ST7L: variants seen among roughly 807,000 people sequenced by gnomAD.
ST7L encodes the protein suppression of tumorigenicity 7 like.
A neutral mutation model predicts 72.5 loss-of-function variants in ST7L; 57 were observed. The ratio of observed to expected loss-of-function variants is 0.79; its 90% CI spans 0.64 to 0.98. ST7L has a LOEUF of 0.98. Ranked by LOEUF, ST7L falls within the 50% of genes least tolerant of loss-of-function variation. The pLI is 0.00. For synonymous variants in ST7L, 221 were observed against 240.9 expected (o/e 0.92, Z 0.77); for missense variants, 576 against 672.2 (o/e 0.86, Z 1.58).
At chr1:112,582,216 G>T in intron 8 of ST7L, 110 bp from the exon 9 acceptor site, 1 of 941,274 alleles carries the variant, frequency 1.1e-6, no homozygotes. Flanking sequence ...CTGTGAAGAA[G>T]ACCTAACCCT....
chr1:112,539,993 A>T (rs762433288), intron 14 of ST7L: 56 of 985,208 alleles, frequency 5.7e-5, no homozygotes, highest in Non-Finnish European at 6.1e-5. Flanking sequence ...AGAAGCTTCC[A>T]TTTAAAATAT....
At position 112,525,380 on chromosome 1, in the gene ST7L, A is replaced by G. The variant is rs965431452; in HGVS notation, c.*633T>C. On this transcript the variant is annotated 3_prime_UTR_variant, in exon 15 of 15. Coordinates refer to ENST00000358039, the MANE Select transcript of ST7L (RefSeq NM_017744.5). ...CTATTATTTTCTTTGGGTGATTGGC[A>G]GGTATAGGGCAATAGCCAGTGGGGT... 6.6e-6 allele frequency: 1 copy of G among 152,242 alleles called. No homozygotes were observed. Among genetic ancestry groups the G allele is most frequent in the Admixed American group, 6.5e-5 (1 of 15,288 alleles). 9.4% of individuals were successfully genotyped at this position (152,242 alleles called of 1,614,324 possible). A position where few individuals can be genotyped will look rare whatever the true frequency, so the allele number is the denominator to read the frequency against.
At chr1:112,598,491 C>A (rs74806438) in intron 4 of ST7L, among the ~76,000 whole-genome samples, 1 of 150,984 alleles carries the variant, frequency 6.6e-6, no homozygotes, top group Non-Finnish European at 1.5e-5. Flanking sequence ...GGCTTGCACC[C>A]GTAATCCCAG....
At chr1:112,539,709 A>T (rs1250452317) in intron 14 of ST7L, 1 of 984,664 alleles carries the variant, frequency 1.0e-6, no homozygotes, top group East Asian at 1.1e-4. Context: ...GAAACTGCCC[A>T]TACCACAGTC....
chr1:112,528,253 C>G (rs556166039), intron 14 of ST7L: 2 of 152,140 alleles, frequency 1.3e-5, no homozygotes, highest in African/African-American at 2.4e-5. Flanking sequence ...AACTTAGAAG[C>G]AGGAATGTAC....
intron 11 of ST7L, among the ~76,000 whole-genome samples, chr1:112,570,166 T>A (rs1194168288): frequency 3.9e-5 from 6 of 152,012 alleles, no homozygotes; most frequent in Non-Finnish European, 8.8e-5. Flanking sequence ...GTTCACTGAA[T>A]CAAAGCCATA....
chr1:112,560,002 T>G (rs960617466), intron 11 of ST7L, among the ~76,000 whole-genome samples: 1 of 151,854 alleles, frequency 6.6e-6, no homozygotes, highest in African/African-American at 2.4e-5. Context: ...ATCTTCCTTA[T>G]GCTAGCTTAT....
At chr1:112,614,738 A>G (rs1669604839) in intron 2 of ST7L, among the ~76,000 whole-genome samples, 1 of 152,082 alleles carries the variant, frequency 6.6e-6, no homozygotes, top group Non-Finnish European at 1.5e-5. Context: ...TTTATGCCCA[A>G]GCGTCTGAGA....
At chr1:112,613,701 G>A (rs1669417757) in intron 2 of ST7L, among the ~76,000 whole-genome samples, 1 of 152,050 alleles carries the variant, frequency 6.6e-6, no homozygotes, top group Non-Finnish European at 1.5e-5. Flanking sequence ...TTTATAAAGA[G>A]TAACAAAAGG....
intron 3 of ST7L, among the ~76,000 whole-genome samples, chr1:112,608,791 C>A (rs924348869): frequency 3.3e-5 from 5 of 152,146 alleles, no homozygotes; most frequent in African/African-American, 1.2e-4. Context: ...TGGCTGCCAA[C>A]CCCACCCCAC....
At chr1:112,563,256 A>T (rs1660470078) in intron 11 of ST7L, among the ~76,000 whole-genome samples, 1 of 152,144 alleles carries the variant, frequency 6.6e-6, no homozygotes, top group South Asian at 2.1e-4. Context: ...GGTAAGGGTT[A>T]ATGAGAGGAT....
chr1:112,570,367 C>T (rs1661859141), intron 11 of ST7L, among the ~76,000 whole-genome samples: 1 of 151,910 alleles, frequency 6.6e-6, no homozygotes, highest in African/African-American at 2.4e-5. Flanking sequence ...TTCTCTATTG[C>T]ACTTCTAATA....
chr1:112,606,500 C>T (rs1479515457), intron 3 of ST7L, among the ~76,000 whole-genome samples: 1 of 152,278 alleles, frequency 6.6e-6, no homozygotes, highest in Non-Finnish European at 1.5e-5. Context: ...GAGACCTCAC[C>T]AAACTGTCCT....
chr1:112,597,963 A>G lies in ST7L; in HGVS notation c.622+8T>C. The G allele has an allele frequency of 6.3e-7, 1 of 1,594,584 alleles. No individual in the cohort carries two copies. Among genetic ancestry groups the G allele is most frequent in the East Asian group, 2.2e-5 (1 of 44,730 alleles). On this transcript the variant is annotated splice_region_variant and intron_variant, in intron 5 of 14. Transcript: ENST00000358039. ...ACTGTTTATACTATGAACAGATATG[A>G]TACATACCTGTGTCTGAAGGACGTA...
chr1:112,596,679 C>T (rs1413851126), intron 5 of ST7L, among the ~76,000 whole-genome samples: 2 of 152,034 alleles, frequency 1.3e-5, no homozygotes, highest in East Asian at 3.9e-4. Flanking sequence ...ACTCTGTCGC[C>T]TAGGCTAGAG....
chr1:112,581,652 A>G (rs1030697787), intron 9 of ST7L, among the ~76,000 whole-genome samples: 4 of 152,068 alleles, frequency 2.6e-5, no homozygotes, highest in African/African-American at 9.6e-5. Context: ...TGATCCTCCC[A>G]CCTCAGTCTC....
At position 112,526,008 on chromosome 1, in the gene ST7L, G is replaced by C; in HGVS notation, c.*5C>G. Reference sequence around the variant, plus strand: ...TTGTCCAAGGTCACATGAACAGTGCGTGGCTCAGCCAGAACTCAAACCTAG... The same window carrying C: ...TTGTCCAAGGTCACATGAACAGTGCCTGGCTCAGCCAGAACTCAAACCTAG... On this transcript the variant is annotated 3_prime_UTR_variant, in exon 15 of 15. Coordinates refer to ENST00000358039, the MANE Select transcript of ST7L (RefSeq NM_017744.5). 3 of 1,614,098 alleles carry C rather than the reference G, an allele frequency of 1.9e-6. No individual in the cohort carries two copies. The African/African-American group carries it at 4.0e-5, about 22-fold the overall frequency.
rs1660415053 is a variant in ST7L at position 112,562,935 on chromosome 1, C to G, written c.1246-6917G>C. Reference sequence around the variant, plus strand: ...TTTGAGATTCTTTCTATGTCTATCTCTATGTGTTTAGAAATGCGTAGAAAA... The same window carrying G: ...TTTGAGATTCTTTCTATGTCTATCTGTATGTGTTTAGAAATGCGTAGAAAA... On this transcript the variant is annotated intron_variant, in intron 11 of 14. Transcript: ENST00000358039. Among the ~76,000 whole-genome samples, 3 of 152,080 alleles carry G rather than the reference C, an allele frequency of 2.0e-5. No homozygotes were observed. In the South Asian group the frequency reaches 6.2e-4, roughly 32 times the overall value.
At chr1:112,591,808 T>C (rs1231754458) in intron 5 of ST7L, among the ~76,000 whole-genome samples, 1 of 152,174 alleles carries the variant, frequency 6.6e-6, no homozygotes, top group Non-Finnish European at 1.5e-5. Flanking sequence ...AAATATATTC[T>C]TTCTCTGATT....
Sources: allele counts gnomAD v4.1 joint callset (sites outside exome capture counted in the v4.1 genomes callset), GRCh38; gene constraint gnomAD v4.1.1; transcripts MANE v1.5; gene names NCBI Gene and HGNC (gene_info 2026-07-23, HGNC 2026-07-21).